EPHA6: variants seen among roughly 807,000 people sequenced by gnomAD.
EPHA6 encodes ephrin type-A receptor 6.
A neutral mutation model predicts 112.0 loss-of-function variants in EPHA6; 50 were observed. The observed-to-expected ratio is 0.45, with a 90% CI of 0.36 to 0.56. The LOEUF is 0.56. EPHA6 is among the 20% of genes least tolerant of loss of function. EPHA6 has a pLI of 0.00. For missense variants in EPHA6, 1,280 were observed against 1,417.4 expected, an observed-to-expected ratio of 0.90 and a Z score of 1.56; for synonymous variants, 529 against 490.7, an observed-to-expected ratio of 1.08 and a Z score of -1.03.
intron 3 of EPHA6, among the ~76,000 whole-genome samples, chr3:97,062,959 A>G (rs948487597): frequency 2.0e-5 from 3 of 152,192 alleles, no homozygotes; most frequent in African/African-American, 7.2e-5. Context: ...AAAGCCTAAC[A>G]TCACTGATCA....
At chr3:97,350,092 A>G (rs1395562337) in intron 5 of EPHA6, among the ~76,000 whole-genome samples, 1 of 152,002 alleles carries the variant, frequency 6.6e-6, no homozygotes, top group African/African-American at 2.4e-5. Flanking sequence ...AAGACATAGC[A>G]TTGGAGAAAG....
rs1375391200 is a variant in EPHA6, at chr3:97,637,709, TCAAA to T, written c.2575-159_2575-156del. 7.2e-5 allele frequency among the ~76,000 whole-genome samples: 11 copies of T among 152,326 alleles called. No homozygotes were observed. The East Asian group carries it at 1.5e-3, about 21-fold the overall frequency. ...TTAAATTTTCCCTTTTCTTTAAATG[TCAAA>T]CAAATTATTACTTTTCCTTATGAAT... On this transcript the variant is annotated intron_variant, in intron 13 of 17. Coordinates refer to ENST00000389672, the MANE Select transcript of EPHA6 (RefSeq NM_001080448.3).
chr3:97,736,172 G>A, intron 16 of EPHA6, 54 bp downstream of exon 16: 1 of 1,451,570 alleles, frequency 6.9e-7, no homozygotes, highest in African/African-American at 1.4e-5. Context: ...GTTTCTTTCA[G>A]GCTATAGATA....
At chr3:97,604,320 A>T (rs2107426589) in intron 12 of EPHA6, among the ~76,000 whole-genome samples, 1 of 151,786 alleles carries the variant, frequency 6.6e-6, no homozygotes, top group East Asian at 1.9e-4. Flanking sequence ...TGGGTGAGCA[A>T]AATATAGAGT....
At position 97,667,116 on chromosome 3, in the gene EPHA6, A is replaced by T. The variant is rs566269748; in HGVS notation, c.2784+29034A>T. Reference sequence around the variant, plus strand: ...CTTTTGACTTACAAATGCCAGGTTTATTTTGGCTTACATATGAAGTTTGAT... The same window carrying T: ...CTTTTGACTTACAAATGCCAGGTTTTTTTTGGCTTACATATGAAGTTTGAT... On this transcript the variant is annotated intron_variant, in intron 14 of 17. Transcript: ENST00000389672. Among the ~76,000 whole-genome samples the T allele has an allele frequency of 3.9e-5, 6 of 152,262 alleles. No individual in the cohort carries two copies. The East Asian group carries it at 1.2e-3, about 29-fold the overall frequency.
Position 96,925,637 on chromosome 3 carries a change from C to T in EPHA6, c.450+58748C>T, listed in dbSNP as rs1364361527. 7.6e-5 allele frequency among the ~76,000 whole-genome samples: 11 copies of T among 143,964 alleles called. No homozygotes were observed. In the East Asian group the frequency reaches 2.1e-3, roughly 27 times the overall value. 94.4% of individuals were successfully genotyped at this position (143,964 alleles called of 152,430 possible). ...TTTTTTTTCCCAAGACAGAGTTTTG[C>T]TCTCATTGCCCAAGCTGGAGTGCAG... On this transcript the variant is annotated intron_variant, in intron 2 of 17. Coordinates refer to ENST00000389672, the MANE Select transcript of EPHA6 (RefSeq NM_001080448.3).
rs572210533 is a variant in EPHA6 at position 96,828,836 on chromosome 3, C to G, written c.385+13828C>G. Among the ~76,000 whole-genome samples the G allele has an allele frequency of 2.0e-5, 3 of 152,220 alleles. No homozygotes were observed. In the South Asian group the frequency reaches 6.2e-4, roughly 32 times the overall value. ...TTGCTGCCTGATATCCAGCCAAGAGCTGACTACACATCCTCTTGATTTTTA... is the reference window on the plus strand; with the variant it reads ...TTGCTGCCTGATATCCAGCCAAGAGGTGACTACACATCCTCTTGATTTTTA... On this transcript the variant is annotated intron_variant, in intron 1 of 17. Transcript: ENST00000389672.
intron 5 of EPHA6, among the ~76,000 whole-genome samples, chr3:97,312,397 G>A (rs1009600805): frequency 6.6e-5 from 10 of 151,534 alleles, no homozygotes; most frequent in African/African-American, 1.9e-4. Flanking sequence ...GATACAGGTT[G>A]AGCATTTTTA....
intron 16 of EPHA6, among the ~76,000 whole-genome samples, chr3:97,741,571 C>T (rs2035506882): frequency 6.6e-6 from 1 of 152,018 alleles, no homozygotes; most frequent in South Asian, 2.1e-4. Flanking sequence ...TTATTATTCC[C>T]ATCCCTTAGA....
intron 3 of EPHA6, among the ~76,000 whole-genome samples, chr3:97,210,020 G>C (rs975695313): frequency 6.6e-6 from 1 of 152,044 alleles, no homozygotes; most frequent in South Asian, 2.1e-4. Context: ...AGCAATATTA[G>C]TTTCACCTCT....
intron 3 of EPHA6, among the ~76,000 whole-genome samples, chr3:97,058,375 G>T (rs561958521): frequency 6.6e-6 from 1 of 152,034 alleles, no homozygotes; most frequent in South Asian, 2.1e-4. Context: ...TCAGCCCACT[G>T]CAACCTCTGC....
intron 10 of EPHA6, among the ~76,000 whole-genome samples, chr3:97,499,760 G>A (rs1332762757): frequency 1.3e-5 from 2 of 152,074 alleles, no homozygotes; most frequent in African/African-American, 4.8e-5. Flanking sequence ...TACCTGTGTA[G>A]GGCACTTATC....
chr3:97,369,561 C>T (rs1434786022), intron 5 of EPHA6, among the ~76,000 whole-genome samples: 1 of 152,098 alleles, frequency 6.6e-6, no homozygotes, highest in Non-Finnish European at 1.5e-5. Context: ...CTGTGGGAGC[C>T]TCAGGGATGA....
chr3:97,430,035 G>C (rs1293851914), intron 6 of EPHA6, among the ~76,000 whole-genome samples: 2 of 151,928 alleles, frequency 1.3e-5, no homozygotes, highest in East Asian at 3.9e-4. Context: ...TGAACAACAT[G>C]GAAATTGGAT....
chr3:97,043,480 G>A (rs919902153), intron 3 of EPHA6, among the ~76,000 whole-genome samples: 1 of 149,336 alleles, frequency 6.7e-6, no homozygotes, highest in Non-Finnish European at 1.5e-5. Flanking sequence ...AAGAATAAGG[G>A]CATTTTCTAT....
At chr3:97,543,444 A>G (rs2092897288) in intron 11 of EPHA6, among the ~76,000 whole-genome samples, 1 of 152,048 alleles carries the variant, frequency 6.6e-6, no homozygotes, top group Non-Finnish European at 1.5e-5. Flanking sequence ...GTTCTGTTCC[A>G]TTGGTCTATA....
rs140558626 is a variant in EPHA6, at chr3:97,417,066, A to G, written c.1731+11792A>G. On this transcript the variant is annotated intron_variant, in intron 6 of 17. Transcript: ENST00000389672. The stretch of plus-strand genomic sequence containing the variant: ...TGAATCCAAAACAAAATATAACACC[A>G]TTTCAAAAGTTAAAATATTCCAGTC... Among the ~76,000 whole-genome samples the G allele has an allele frequency of 3.9e-4, 60 of 152,302 alleles. 1 individual carries two copies. In the East Asian group the frequency reaches 6.4e-3, roughly 16 times the overall value.
chr3:97,273,910 T>A (rs1202014083), intron 5 of EPHA6, among the ~76,000 whole-genome samples: 1 of 152,128 alleles, frequency 6.6e-6, no homozygotes, highest in African/African-American at 2.4e-5. Flanking sequence ...GTTTTCTGAC[T>A]CGGGGCATGT....
intron 3 of EPHA6, among the ~76,000 whole-genome samples, chr3:97,009,500 G>A (rs2044002033): frequency 6.6e-6 from 1 of 152,202 alleles, no homozygotes; most frequent in South Asian, 2.1e-4. Flanking sequence ...TATAGAAATG[G>A]GTGCTGCCCT....
Sources: gnomAD v4.1 joint callset for allele counts (sites outside exome capture counted in the v4.1 genomes callset) on GRCh38, gnomAD v4.1.1 for gene constraint, MANE v1.5 for transcripts, NCBI Gene and HGNC (gene_info 2026-07-23, HGNC 2026-07-21) for gene names.